SH2D4A: variants seen among roughly 807,000 people sequenced by gnomAD.
SH2D4A encodes SH2 domain-containing protein 4A.
In SH2D4A, 70 loss-of-function variants were observed where a neutral mutation model predicts 64.7. That is an observed-to-expected ratio of 1.08 (90% CI 0.89 to 1.32). The LOEUF (loss-of-function observed/expected upper bound fraction) is 1.32, where lower values mean the gene tolerates loss of function less well. Among genes scored for constraint, SH2D4A ranks in the 40% most tolerant of loss-of-function variants. The pLI is 0.00. For synonymous variants in SH2D4A, 268 were observed against 200.7 expected, an observed-to-expected ratio of 1.34 and a Z score of -2.83; for missense variants, 706 against 540.1, an observed-to-expected ratio of 1.31 and a Z score of -3.04.
intron 4 of SH2D4A, among the ~76,000 whole-genome samples, chr8:19,336,343 G>A (rs1463093317): frequency 6.6e-6 from 1 of 152,122 alleles, no homozygotes; most frequent in Non-Finnish European, 1.5e-5. Flanking sequence ...CAAATATGAG[G>A]CTCAAAATAT....
Position 19,393,341 on chromosome 8 carries a change from A to C in SH2D4A, c.1072A>C (p.Asn358His). ...FHGILTLKKA[N>H]ELLLSTGMPG... is the part of the protein sequence containing the mutation. ...AGGAATTCTCACACTCAAGAAAGCA[A>C]ATGAACTTCTTCTGAGCACAGGCAT... Residue 358 changes from asparagine to histidine, a missense_variant, in exon 9 of 10, where the codon AAT becomes CAT. By Grantham distance (68) the Asn-to-His change is moderately conservative. Transcript: ENST00000265807. The C allele has an allele frequency of 6.2e-7, 1 of 1,614,160 alleles. No individual in the cohort carries two copies. Among genetic ancestry groups the C allele is most frequent in the South Asian group, 1.1e-5 (1 of 91,084 alleles).
At chr8:19,352,616 G>A (rs183992120) in intron 4 of SH2D4A, among the ~76,000 whole-genome samples, 1 of 152,310 alleles carries the variant, frequency 6.6e-6, no homozygotes, top group East Asian at 1.9e-4. Flanking sequence ...TTATGCGTAA[G>A]AGCATACATA....
intron 4 of SH2D4A, among the ~76,000 whole-genome samples, chr8:19,355,263 G>T (rs2052774613): frequency 6.6e-6 from 1 of 151,774 alleles, no homozygotes; most frequent in Non-Finnish European, 1.5e-5. Flanking sequence ...AGAGAGAGTG[G>T]GCCTGTTTTT....
At chr8:19,314,428 G>T (rs1275496958) in intron 1 of SH2D4A, among the ~76,000 whole-genome samples, 2 of 152,154 alleles carry the variant, frequency 1.3e-5, no homozygotes, top group African/African-American at 4.8e-5. Flanking sequence ...GGCCAGTGCA[G>T]CGCCGCCTCC....
At chr8:19,355,473 A>T (rs986804087) in intron 4 of SH2D4A, among the ~76,000 whole-genome samples, 1 of 152,194 alleles carries the variant, frequency 6.6e-6, no homozygotes, top group Non-Finnish European at 1.5e-5. Context: ...CAATGAGAAT[A>T]TGGTAAATAG....
intron 8 of SH2D4A, among the ~76,000 whole-genome samples, chr8:19,379,106 T>C (rs543077873): frequency 1.3e-5 from 2 of 151,298 alleles, no homozygotes; most frequent in South Asian, 4.2e-4. Context: ...TCTACAGCTA[T>C]TACCACCATC....
At chr8:19,391,767 TG>T (rs1426235507) in intron 8 of SH2D4A, among the ~76,000 whole-genome samples, 4 of 152,198 alleles carry the variant, frequency 2.6e-5, no homozygotes, top group Non-Finnish European at 2.9e-5. Flanking sequence ...AGAACAGACA[TG>T]GTTTTATTTT....
chr8:19,379,725 T>C (rs890591883), intron 8 of SH2D4A, among the ~76,000 whole-genome samples: 2 of 152,128 alleles, frequency 1.3e-5, no homozygotes, highest in African/African-American at 4.8e-5. Context: ...CAGCACTTGT[T>C]ATTTTTCTTT....
At chr8:19,391,290 G>C (rs77366669) in intron 8 of SH2D4A, among the ~76,000 whole-genome samples, 1 of 152,126 alleles carries the variant, frequency 6.6e-6, no homozygotes, top group East Asian at 1.9e-4. Context: ...GGAGCAGCCC[G>C]TATCTGTTGG....
chr8:19,379,375 C>T lies in SH2D4A; in HGVS notation c.1048+5715C>T, dbSNP rs962133770. ...CCTCCCTTTTCAAATCAGAATAATA[C>T]TCCCTTCTATGGATGGGCCACAGTT... On this transcript the variant is annotated intron_variant, in intron 8 of 9. Transcript: ENST00000265807. 4.6e-5 allele frequency among the ~76,000 whole-genome samples: 7 copies of T among 152,114 alleles called. No homozygotes were observed. In the East Asian group the frequency reaches 1.2e-3, roughly 25 times the overall value.
intron 8 of SH2D4A, among the ~76,000 whole-genome samples, chr8:19,392,421 C>T (rs899159208): frequency 7.2e-5 from 11 of 152,134 alleles, no homozygotes; most frequent in Admixed American, 7.2e-4. Flanking sequence ...CAGTGTGGGG[C>T]TGTTCTGTGT....
At chr8:19,379,419 T>G (rs2053252322) in intron 8 of SH2D4A, among the ~76,000 whole-genome samples, 1 of 152,244 alleles carries the variant, frequency 6.6e-6, no homozygotes, top group South Asian at 2.1e-4. Context: ...CATTATCTGT[T>G]GATGCACTCT....
intron 8 of SH2D4A, among the ~76,000 whole-genome samples, chr8:19,391,088 G>A (rs2053485167): frequency 6.6e-6 from 1 of 152,142 alleles, no homozygotes; most frequent in Non-Finnish European, 1.5e-5. Context: ...CCTTGTTTCT[G>A]AAGGGGACTT....
In SH2D4A at chr8:19,394,597, T is replaced by A; in HGVS notation, c.1320T>A (p.Cys440Ter). Residue 440 changes from cysteine (C) to a stop codon, truncating the protein, a stop_gained, in exon 10 of 10, where the codon TGT becomes TGA. Coordinates refer to ENST00000265807, the MANE Select transcript of SH2D4A (RefSeq NM_022071.4). LOFTEE classifies it high-confidence loss of function. ...SLGKELLLYP[C>*]GQQDQLPDYL... ...GGAAGGAGCTCCTTCTCTATCCCTG[T>A]GGTCAGCAGGACCAGCTGCCTGACT... 1.2e-6 allele frequency: 2 copies of A among 1,609,022 alleles called. No individual in the cohort carries two copies. The highest frequency in any genetic ancestry group is 1.7e-6 in the Non-Finnish European group (2 of 1,177,308).
intron 7 of SH2D4A, among the ~76,000 whole-genome samples, chr8:19,368,662 G>A (rs2053044352): frequency 7.3e-6 from 1 of 137,280 alleles, no homozygotes; most frequent in Admixed American, 7.6e-5. Flanking sequence ...GCATAGAGAT[G>A]CTACTGATTT....
chr8:19,372,049 CTTGG>C lies in SH2D4A; in HGVS notation c.918-1479_918-1476del, dbSNP rs2053109535. ...GACCTGTGGTATCTTATTTTGTACA[CTTGG>C]TGAGGTCATATTGTCCTGAGTCTTC... On this transcript the variant is annotated intron_variant, in intron 7 of 9. Transcript: ENST00000265807. Among the ~76,000 whole-genome samples the C allele has an allele frequency of 2.6e-5, 4 of 152,276 alleles. No homozygotes were observed. In the South Asian group the frequency reaches 8.3e-4, roughly 32 times the overall value.
Position 19,313,795 on chromosome 8 carries a change from G to C in SH2D4A, c.-233G>C, listed in dbSNP as rs1018026961. On this transcript the variant is annotated 5_prime_UTR_variant, in exon 1 of 10. Coordinates refer to ENST00000265807, the MANE Select transcript of SH2D4A (RefSeq NM_022071.4). ...CCAAGTGGATGTGGCGGGTGATCGA[G>C]CCACCCTGCCCAGGGGCGCCCAGCA... 6.6e-7 allele frequency: 1 copy of C among 1,511,920 alleles called. No individual in the cohort carries two copies. Among genetic ancestry groups the C allele is most frequent in the Non-Finnish European group, 8.8e-7 (1 of 1,135,654 alleles). The allele number at this position is 1,511,920 out of a possible 1,614,324, so 93.7% of individuals were successfully genotyped here. A position where few individuals can be genotyped will look rare whatever the true frequency, so the allele number is the denominator to read the frequency against.
intron 4 of SH2D4A, 27 bp from the exon 5 acceptor site, chr8:19,357,176 C>A: frequency 6.4e-7 from 1 of 1,563,026 alleles, no homozygotes; most frequent in Non-Finnish European, 8.8e-7. Context: ...CTCCAAATGC[C>A]ATAAATGTGT....
chr8:19,325,708 G>A (rs537470294), intron 2 of SH2D4A, among the ~76,000 whole-genome samples: 1 of 152,194 alleles, frequency 6.6e-6, no homozygotes, highest in East Asian at 1.9e-4. Flanking sequence ...GTGCCATGCA[G>A]GTTCCCCAAC....
Sources: gnomAD v4.1 joint callset for allele counts (sites outside exome capture counted in the v4.1 genomes callset) on GRCh38, gnomAD v4.1.1 for gene constraint, MANE v1.5 for transcripts, NCBI Gene and HGNC (gene_info 2026-07-23, HGNC 2026-07-21) for gene names.